Variants in SI observed in about 807,000 individuals in gnomAD.
SI encodes the protein sucrase-isomaltase.
SI carries 235 observed loss-of-function variants against 253.3 expected under a neutral mutation model. The ratio of observed to expected loss-of-function variants is 0.93; its 90% confidence interval spans 0.83 to 1.03. The LOEUF is 1.03. Among genes scored for constraint, SI ranks in the 50% least tolerant of loss-of-function variants. The pLI is 0.00. For missense variants in SI, 2,442 were observed against 2,211.1 expected (o/e 1.10, Z -2.09); for synonymous variants, 819 against 712.0 (o/e 1.15, Z -2.39).
Position 165,049,814 on chromosome 3 carries a change from A to G in SI, c.1574T>C (p.Leu525Ser). The G allele has an allele frequency of 6.2e-7, 1 of 1,603,080 alleles. No homozygotes were observed. Among genetic ancestry groups the G allele is most frequent in the Non-Finnish European group, 8.5e-7 (1 of 1,170,956 alleles). The change falls in exon 14 of 48, where the codon TTG becomes TCG. Residue 525 changes from leucine to serine, a missense_variant. Coordinates refer to ENST00000264382, the MANE Select transcript of SI (RefSeq NM_001041.4). ...ACCAGGAGTAAACGGTGGATAATTC[A>G]ATTTGTTTACATTACATCCTTTTGT... ...GSTKGCNVNK[L>S]NYPPFTPDIL...
chr3:165,009,938 G>T (rs1038716665), intron 34 of SI, among the ~76,000 whole-genome samples: 1 of 152,006 alleles, frequency 6.6e-6, no homozygotes, highest in African/African-American at 2.4e-5. Context: ...AAACATAAAA[G>T]TTCCAGTGTC....
At chr3:165,076,715 G>A (rs1259038003) in intron 1 of SI, among the ~76,000 whole-genome samples, 1 of 151,554 alleles carries the variant, frequency 6.6e-6, no homozygotes. Flanking sequence ...ATTATTAAAA[G>A]ACATTATACT....
At chr3:165,032,130 AT>A (rs1260742288) in intron 24 of SI, among the ~76,000 whole-genome samples, 1 of 151,362 alleles carries the variant, frequency 6.6e-6, no homozygotes, top group Non-Finnish European at 1.5e-5. Context: ...GACTAAAGAA[AT>A]GAACAAAACC....
At chr3:165,020,664 T>C (rs995482243) in intron 27 of SI, among the ~76,000 whole-genome samples, 28 of 151,576 alleles carry the variant, frequency 1.8e-4, no homozygotes, top group Non-Finnish European at 2.8e-4. Context: ...AGGAATGGCA[T>C]GGCAAACTTA....
chr3:165,035,161 T>C (rs1450346525), intron 22 of SI, among the ~76,000 whole-genome samples: 1 of 152,028 alleles, frequency 6.6e-6, no homozygotes, highest in Admixed American at 6.6e-5. Context: ...TTTAGATTTT[T>C]ATTAGACAAA....
intron 44 of SI, 119 bp from the exon 45 acceptor site, chr3:164,987,345 CT>C: frequency 1.3e-6 from 1 of 761,782 alleles, no homozygotes; most frequent in Non-Finnish European, 2.3e-6. Context: ...TGCAAACTGA[CT>C]TAGACTAAGA....
At chr3:165,080,766 G>A (rs142452526), upstream of SI, among the ~76,000 whole-genome samples, 69 of 152,084 alleles carry the variant, frequency 4.5e-4, no homozygotes, top group African/African-American at 1.5e-3. Context: ...GTGGAGGAAG[G>A]GGGGAGGGAT....
chr3:165,038,536 C>A, intron 20 of SI, among the ~76,000 whole-genome samples: 1 of 142,282 alleles, frequency 7.0e-6, no homozygotes. Flanking sequence ...GGTGAAACCC[C>A]ATCTCTACTA....
At chr3:165,063,382 G>T in intron 8 of SI, 60 bp downstream of exon 8, 1 of 777,586 alleles carries the variant, frequency 1.3e-6, no homozygotes, top group Non-Finnish European at 2.3e-6. Context: ...GAAATAAAGA[G>T]AGCAGTTAAA....
At chr3:164,988,970 T>G (rs949066857) in intron 44 of SI, among the ~76,000 whole-genome samples, 3 of 152,032 alleles carry the variant, frequency 2.0e-5, no homozygotes, top group Admixed American at 2.0e-4. Flanking sequence ...CATCTTTATA[T>G]GGGACAAGGT....
rs1416103995 is a variant in SI at position 165,019,707 on chromosome 3, C to T, written c.3318G>A (p.Leu1106=). 1.2e-6 allele frequency: 2 copies of T among 1,612,502 alleles called. No homozygotes were observed. Among genetic ancestry groups the T allele is most frequent in the Middle Eastern group, 1.7e-4 (1 of 6,050 alleles). Residue 1106 remains leucine (L), a synonymous_variant, in exon 28 of 48, where the codon CTG becomes CTA. Coordinates refer to ENST00000264382, the MANE Select transcript of SI (RefSeq NM_001041.4). ...NDQFIQISTR[L]PSEYIYGFGE... is the part of the protein sequence containing the mutation. ...CAAAACCATATATATATTCTGATGG[C>T]AGGCGAGTCGATATTTGAATGAACT...
At chr3:165,029,998 C>T (rs1303166956) in intron 25 of SI, among the ~76,000 whole-genome samples, 2 of 150,634 alleles carry the variant, frequency 1.3e-5, no homozygotes, top group South Asian at 4.1e-4. Flanking sequence ...GGCAGAGATT[C>T]TATGCATCTC....
chr3:164,998,786 A>G, intron 37 of SI, 113 bp from the exon 38 acceptor site: 2 of 868,138 alleles, frequency 2.3e-6, no homozygotes, highest in Non-Finnish European at 1.9e-6. Flanking sequence ...TTATATTGTC[A>G]TTTATTACAA....
At position 164,979,310 on chromosome 3, in the gene SI, A is replaced by G; in HGVS notation, c.*52T>C. ...AGAGGGAAAATTGTAAGTGCTGTGA[A>G]ACTTAAATCCTGGTGTTTTTTCCCA... On this transcript the variant is annotated 3_prime_UTR_variant, in exon 48 of 48. Transcript: ENST00000264382. 1 of 1,054,220 alleles carries G rather than the reference A, an allele frequency of 9.5e-7. No homozygotes were observed. Among genetic ancestry groups the G allele is most frequent in the South Asian group, 1.2e-5 (1 of 80,088 alleles). The allele number at this position is 1,054,220 out of a possible 1,614,324, so 65.3% of individuals were successfully genotyped here. A position where few individuals can be genotyped will look rare whatever the true frequency, so the allele number is the denominator to read the frequency against.
chr3:165,009,682 G>C (rs1378855388), intron 34 of SI, among the ~76,000 whole-genome samples: 2 of 152,104 alleles, frequency 1.3e-5, no homozygotes, highest in African/African-American at 2.4e-5. Flanking sequence ...TAGAGTAATG[G>C]GGAAGCTTTT....
chr3:165,063,242 C>A (rs1438960109), intron 8 of SI, among the ~76,000 whole-genome samples, 200 bp downstream of exon 8: 1 of 152,032 alleles, frequency 6.6e-6, no homozygotes, highest in African/African-American at 2.4e-5. Flanking sequence ...GCATAGCATA[C>A]TCTCCCCAAA....
At chr3:165,081,836 G>A (rs891081213), upstream of SI, among the ~76,000 whole-genome samples, 7 of 151,926 alleles carry the variant, frequency 4.6e-5, no homozygotes, top group South Asian at 1.2e-3. Flanking sequence ...TCCTGCCTGG[G>A]TCATAAAAAA....
chr3:165,065,466 T>A, intron 6 of SI, 34 bp from the exon 7 acceptor site: 1 of 161,638 alleles, frequency 6.2e-6, no homozygotes, highest in Non-Finnish European at 1.0e-5. Flanking sequence ...AATAATCTAA[T>A]ATATATATAT....
At chr3:165,054,087 T>A (rs2108240214) in intron 13 of SI, among the ~76,000 whole-genome samples, 1 of 152,244 alleles carries the variant, frequency 6.6e-6, no homozygotes, top group African/African-American at 2.4e-5. Flanking sequence ...CCCAACAACA[T>A]GTCTGATAGA....
Sources: allele counts gnomAD v4.1 joint callset (sites outside exome capture counted in the v4.1 genomes callset), GRCh38; gene constraint gnomAD v4.1.1; transcripts MANE v1.5; gene names NCBI Gene and HGNC (gene_info 2026-07-23, HGNC 2026-07-21).